ZC2HC1B: variants seen among roughly 807,000 people sequenced by gnomAD.
The protein encoded by ZC2HC1B is zinc finger C2HC domain-containing protein 1B.
In ZC2HC1B, 36 loss-of-function variants were observed where a neutral mutation model predicts 31.0. The ratio of observed to expected loss-of-function variants is 1.16; its 90% confidence interval spans 0.89 to 1.54. ZC2HC1B has a LOEUF of 1.54. Ranked by LOEUF, ZC2HC1B falls within the 40% of genes most tolerant of loss-of-function variation. The probability of loss-of-function intolerance (pLI) is 0.00; values close to 1 mark genes in which losing one functional copy is unlikely to be tolerated. For synonymous variants in ZC2HC1B, 73 were observed against 88.0 expected (o/e 0.83, Z 0.95); for missense variants, 260 against 268.6 (o/e 0.97, Z 0.22).
Position 143,884,301 on chromosome 6 carries a change from C to T in ZC2HC1B, c.29-3C>T, listed in dbSNP as rs1354083878. 1.3e-6 allele frequency: 2 copies of T among 1,528,744 alleles called. No homozygotes were observed. The allele number at this position is 1,528,744 out of a possible 1,614,324, so 94.7% of individuals were successfully genotyped here. A position where few individuals can be genotyped will look rare whatever the true frequency, so the allele number is the denominator to read the frequency against. On this transcript the variant is annotated splice_region_variant and splice_polypyrimidine_tract_variant and intron_variant, in intron 1 of 7. Coordinates refer to ENST00000237275, the MANE Select transcript of ZC2HC1B (RefSeq NM_001013623.3). This position sits in a 1 kb window ranked among gnomAD's most constrained non-coding sequence, Gnocchi z 5.1. ...ACATAATGTGCTCTTGAATTTTACA[C>T]AGATGGCAATCAGGAATTGTTTCCC...
chr6:143,918,464 A>G lies in ZC2HC1B; in HGVS notation c.598+15312A>G, dbSNP rs1168668012. Among the ~76,000 whole-genome samples the G allele has an allele frequency of 6.6e-6, 1 of 151,008 alleles. No homozygotes were observed. The highest frequency in any genetic ancestry group is 1.5e-5 in the Non-Finnish European group (1 of 67,690). On this transcript the variant is annotated intron_variant, in intron 6 of 7. Coordinates refer to ENST00000237275, the MANE Select transcript of ZC2HC1B (RefSeq NM_001013623.3). The surrounding 1 kb of genome is among the most constrained non-coding windows in gnomAD (Gnocchi z 4.1). ...GAACATTCCTGGTTTGTGACAGGTCATTTTTTTTCTTGCTACTCTGATTAT... is the reference window on the plus strand; with the variant it reads ...GAACATTCCTGGTTTGTGACAGGTCGTTTTTTTTCTTGCTACTCTGATTAT...
rs1435644634 is a variant in ZC2HC1B, at chr6:143,923,516, A to T, written c.599-14133A>T. ...TGTGCTTTTGAAGTCATGGCCACAA[A>T]TTTTTTGCCTAGACCAATGTCTGAG... On this transcript the variant is annotated intron_variant, in intron 6 of 7. Coordinates refer to ENST00000237275, the MANE Select transcript of ZC2HC1B (RefSeq NM_001013623.3). The surrounding 1 kb of genome is among the most constrained non-coding windows in gnomAD (Gnocchi z 4.8). 6.6e-6 allele frequency among the ~76,000 whole-genome samples: 1 copy of T among 151,992 alleles called. No individual in the cohort carries two copies. Among genetic ancestry groups the T allele is most frequent in the Non-Finnish European group, 1.5e-5 (1 of 67,932 alleles).
Position 143,886,746 on chromosome 6 carries a change from TCAGCAAAG to T in ZC2HC1B, c.278_285del (p.Ala93ValfsTer6). On this transcript the variant is annotated frameshift_variant, in exon 4 of 8. Transcript: ENST00000237275. LOFTEE classifies it high-confidence loss of function. The surrounding 1 kb of genome is among the most constrained non-coding windows in gnomAD (Gnocchi z 4.2). ...TGAAGACTTTATTAATGCAATCCGA[TCAGCAAAG>T]CAGTGTATGCTAGCCATTAAAGAAG... The T allele has an allele frequency of 6.5e-7, 1 of 1,549,792 alleles. No individual in the cohort carries two copies. The highest frequency in any genetic ancestry group is 1.4e-5 in the African/African-American group (1 of 73,000).
intron 5 of ZC2HC1B, among the ~76,000 whole-genome samples, chr6:143,900,716 A>G (rs1777727593): frequency 6.6e-6 from 1 of 152,218 alleles, no homozygotes; most frequent in Non-Finnish European, 1.5e-5. Context: ...AGGGTTGACA[A>G]TAAGGTTTTC....
chr6:143,927,774 C>T (rs1195948855), intron 6 of ZC2HC1B, among the ~76,000 whole-genome samples: 2 of 152,140 alleles, frequency 1.3e-5, no homozygotes, highest in African/African-American at 4.8e-5. Flanking sequence ...TAAGTGTTCC[C>T]TTTTCTCTGC....
rs992505514 is a variant in ZC2HC1B, at chr6:143,905,209, A to G, written c.598+2057A>G. On this transcript the variant is annotated intron_variant, in intron 6 of 7. Coordinates refer to ENST00000237275, the MANE Select transcript of ZC2HC1B (RefSeq NM_001013623.3). The surrounding 1 kb of genome is among the most constrained non-coding windows in gnomAD (Gnocchi z 4.2). The stretch of plus-strand genomic sequence containing the variant: ...TTTCAAATCCATGAACATGGAATAT[A>G]TTTCTGTTTATTTATGTCCTCTTTA... Among the ~76,000 whole-genome samples, 1 of 152,136 alleles carries G rather than the reference A, an allele frequency of 6.6e-6. No homozygotes were observed. Among genetic ancestry groups the G allele is most frequent in the Non-Finnish European group, 1.5e-5 (1 of 68,024 alleles).
At chr6:143,916,724 A>G (rs1385822202) in intron 6 of ZC2HC1B, among the ~76,000 whole-genome samples, 1 of 152,132 alleles carries the variant, frequency 6.6e-6, no homozygotes, top group African/African-American at 2.4e-5. Flanking sequence ...TGGGTTTCAG[A>G]TTTGTGTGGG....
chr6:143,892,496 C>A (rs1280392619), intron 4 of ZC2HC1B, among the ~76,000 whole-genome samples: 1 of 152,068 alleles, frequency 6.6e-6, no homozygotes, highest in Non-Finnish European at 1.5e-5. Flanking sequence ...TGGGGTTTCT[C>A]CATGTTGCCC....
rs77656773 is a variant in ZC2HC1B at position 143,935,261 on chromosome 6, C to T, written c.599-2388C>T. 7.2e-5 allele frequency among the ~76,000 whole-genome samples: 11 copies of T among 152,228 alleles called. No individual in the cohort carries two copies. In the East Asian group the frequency reaches 2.1e-3, roughly 29 times the overall value. ...GACCACAGGCAGGGTGAGCTGACCA[C>T]AGGCAGGGTGGGTTGATCCCCAGGC... On this transcript the variant is annotated intron_variant, in intron 6 of 7. Transcript: ENST00000237275.
chr6:143,876,893 C>T (rs947826829), intron 1 of ZC2HC1B, among the ~76,000 whole-genome samples: 7 of 150,446 alleles, frequency 4.7e-5, no homozygotes, highest in Middle Eastern at 3.4e-3. Context: ...ATGGTGCCCA[C>T]TGAGATTGAG....
intron 4 of ZC2HC1B, among the ~76,000 whole-genome samples, chr6:143,890,637 G>A (rs148460968): frequency 2.0e-4 from 30 of 152,224 alleles, no homozygotes; most frequent in African/African-American, 7.2e-4. Flanking sequence ...ATATTTACAT[G>A]TAAAAAGCAT....
Position 143,898,665 on chromosome 6 carries a change from G to A in ZC2HC1B, c.463G>A (p.Ala155Thr), listed in dbSNP as rs1179264513. 6.4e-7 allele frequency: 1 copy of A among 1,552,096 alleles called. No individual in the cohort carries two copies. Among genetic ancestry groups the A allele is most frequent in the Non-Finnish European group, 8.7e-7 (1 of 1,147,078 alleles). ...SRRVFNPAQT[A>T]AKLASRAQGR... ...CCGAGTCTTTAATCCAGCTCAGACA[G>A]CAGCCAAATTGGCATCCAGAGCTCA... The change falls in exon 5 of 8, where the codon GCA becomes ACA. Residue 155 changes from alanine to threonine, a missense_variant. Coordinates refer to ENST00000237275, the MANE Select transcript of ZC2HC1B (RefSeq NM_001013623.3).
At chr6:143,937,541 A>AT in intron 6 of ZC2HC1B, 108 bp from the exon 7 acceptor site, 1 of 972,454 alleles carries the variant, frequency 1.0e-6, no homozygotes, top group Non-Finnish European at 1.5e-6. Context: ...ACCAAAAAAA[A>AT]GGAAGAATAG....
At chr6:143,902,539 T>C (rs1582964571) in intron 5 of ZC2HC1B, among the ~76,000 whole-genome samples, 1 of 152,264 alleles carries the variant, frequency 6.6e-6, no homozygotes, top group East Asian at 1.9e-4. Flanking sequence ...CTTTTGGTCC[T>C]TATTTCGTTT....
intron 6 of ZC2HC1B, among the ~76,000 whole-genome samples, chr6:143,925,197 A>T (rs1778020800): frequency 9.9e-6 from 1 of 100,926 alleles, no homozygotes; most frequent in African/African-American, 4.0e-5. Flanking sequence ...TTTTTTTGAG[A>T]CAGAGTCTCA....
At chr6:143,902,609 A>C (rs1285089172) in intron 5 of ZC2HC1B, among the ~76,000 whole-genome samples, 1 of 152,086 alleles carries the variant, frequency 6.6e-6, no homozygotes, top group Non-Finnish European at 1.5e-5. Context: ...GGGATGTTGG[A>C]ATTTCATGCT....
Position 143,908,585 on chromosome 6 carries a change from G to A in ZC2HC1B, c.598+5433G>A, listed in dbSNP as rs2128495768. 6.6e-6 allele frequency among the ~76,000 whole-genome samples: 1 copy of A among 152,214 alleles called. No individual in the cohort carries two copies. Among genetic ancestry groups the A allele is most frequent in the East Asian group, 1.9e-4 (1 of 5,182 alleles). ...TGATTTGGCTCTCAGCTTGCCTGTT[G>A]TTTGTGTATAGGAATGCTAGCAATT... On this transcript the variant is annotated intron_variant, in intron 6 of 7. Coordinates refer to ENST00000237275, the MANE Select transcript of ZC2HC1B (RefSeq NM_001013623.3). This position sits in a 1 kb window ranked among gnomAD's most constrained non-coding sequence, Gnocchi z 4.4.
chr6:143,875,320 A>ACCCTATATTTCCCCTAGG (rs1554236752), intron 1 of ZC2HC1B, among the ~76,000 whole-genome samples: 2 of 151,368 alleles, frequency 1.3e-5, no homozygotes, highest in South Asian at 4.2e-4. Flanking sequence ...AGTAGGTCTA[A>ACCCTATATTTCCCCTAGG]AGTGACTAAT....
Position 143,893,422 on chromosome 6 carries a change from G to A in ZC2HC1B, c.350-5130G>A, listed in dbSNP as rs193008771. The stretch of plus-strand genomic sequence containing the variant: ...TCTACTAAAAATACAAAAAAAATTA[G>A]CCAGGCATGGTGGCTCACTCCTGTA... On this transcript the variant is annotated intron_variant, in intron 4 of 7. Transcript: ENST00000237275. 2.6e-5 allele frequency among the ~76,000 whole-genome samples: 4 copies of A among 152,136 alleles called. No homozygotes were observed. In the East Asian group the frequency reaches 7.8e-4, roughly 30 times the overall value.
Sources: gnomAD v4.1 joint callset for allele counts (sites outside exome capture counted in the v4.1 genomes callset) on GRCh38, gnomAD v4.1.1 for gene constraint, Gnocchi (gnomAD v3.1) non-coding constraint, MANE v1.5 for transcripts, NCBI Gene and HGNC (gene_info 2026-07-23, HGNC 2026-07-21) for gene names.